PTPRT: variants seen among roughly 807,000 people sequenced by gnomAD.
PTPRT encodes the protein protein tyrosine phosphatase receptor type T.
PTPRT carries 56 observed loss-of-function variants against 176.8 expected under a neutral mutation model. The observed-to-expected ratio is 0.32, with a 90% CI of 0.26 to 0.40. The LOEUF (loss-of-function observed/expected upper bound fraction) is 0.40. Ranked by LOEUF, PTPRT falls within the 10% of genes least tolerant of loss-of-function variation. The pLI, the probability that PTPRT is intolerant of heterozygous loss-of-function variation, is 1.00. For missense variants in PTPRT, 1,540 were observed against 1,908.2 expected (o/e 0.81, Z 3.60); for synonymous variants, 783 against 739.0 (o/e 1.06, Z -0.96).
At chr20:42,936,288 A>G (rs1980186905) in intron 1 of PTPRT, among the ~76,000 whole-genome samples, 1 of 152,218 alleles carries the variant, frequency 6.6e-6, no homozygotes, top group Non-Finnish European at 1.5e-5. Context: ...CAAAATCATG[A>G]AACAGGTCAA....
intron 1 of PTPRT, among the ~76,000 whole-genome samples, chr20:43,105,734 A>G (rs189072695): frequency 1.1e-4 from 17 of 152,284 alleles, no homozygotes; most frequent in Non-Finnish European, 2.1e-4. Flanking sequence ...ATCACATAAA[A>G]TTCTTCATGT....
At chr20:43,058,475 A>G (rs1804571798) in intron 1 of PTPRT, among the ~76,000 whole-genome samples, 1 of 152,140 alleles carries the variant, frequency 6.6e-6, no homozygotes, top group Admixed American at 6.5e-5. Context: ...GCAAGAGAAA[A>G]TCTGCCCCAA....
At chr20:42,705,359 T>A (rs974394205) in intron 6 of PTPRT, among the ~76,000 whole-genome samples, 1 of 151,526 alleles carries the variant, frequency 6.6e-6, no homozygotes, top group African/African-American at 2.4e-5. Flanking sequence ...TCGTTGGTTC[T>A]TATAGGTTTG....
At position 42,114,472 on chromosome 20, in the gene PTPRT, G is replaced by GCAAT. The variant is rs567424773; in HGVS notation, c.3099+723_3099+726dup. On this transcript the variant is annotated intron_variant, in intron 22 of 30. Transcript: ENST00000373187. ...TAACATGTTATAAATATATTTATTT[G>GCAAT]CAATCACATCCTTGCTCACCAAGCT... is the stretch of plus-strand genomic sequence containing the variant. Among the ~76,000 whole-genome samples, 63 of 152,292 alleles carry GCAAT rather than the reference G, an allele frequency of 4.1e-4. 1 individual carries two copies. Among genetic ancestry groups the GCAAT allele is most frequent in the Non-Finnish European group, 7.8e-4 (53 of 68,022 alleles).
chr20:42,197,212 G>T (rs532841488), intron 16 of PTPRT, among the ~76,000 whole-genome samples: 1 of 151,334 alleles, frequency 6.6e-6, no homozygotes. Context: ...ACCCCGTCTC[G>T]ACTAAAAATA....
At chr20:42,917,320 T>C (rs1600554542) in intron 1 of PTPRT, among the ~76,000 whole-genome samples, 1 of 152,288 alleles carries the variant, frequency 6.6e-6, no homozygotes, top group Non-Finnish European at 1.5e-5. Flanking sequence ...CATTGGTCTA[T>C]ATCTCTGTTT....
chr20:43,174,397 T>C (rs1269714690), intron 1 of PTPRT, among the ~76,000 whole-genome samples: 1 of 152,222 alleles, frequency 6.6e-6, no homozygotes, highest in Non-Finnish European at 1.5e-5. Context: ...ATTACAAGTA[T>C]TTAAAGCATG....
At chr20:42,758,824 A>C (rs1239354843) in intron 5 of PTPRT, among the ~76,000 whole-genome samples, 6 of 152,210 alleles carry the variant, frequency 3.9e-5, no homozygotes, top group African/African-American at 1.4e-4. Flanking sequence ...TCTGAGCTGG[A>C]AAGTTTCCAT....
intron 1 of PTPRT, among the ~76,000 whole-genome samples, chr20:42,892,378 C>T (rs1033048213): frequency 2.0e-5 from 3 of 152,138 alleles, no homozygotes; most frequent in African/African-American, 4.8e-5. Context: ...CTTTCCATTG[C>T]TCCAACCCAG....
At chr20:42,418,814 C>T (rs1273671010) in intron 9 of PTPRT, among the ~76,000 whole-genome samples, 4 of 152,108 alleles carry the variant, frequency 2.6e-5, no homozygotes, top group Non-Finnish European at 4.4e-5. Context: ...AGAGGCTGTC[C>T]TGGCTGTAGG....
intron 7 of PTPRT, among the ~76,000 whole-genome samples, chr20:42,519,391 T>C (rs1311012620): frequency 6.6e-6 from 1 of 152,120 alleles, no homozygotes; most frequent in Non-Finnish European, 1.5e-5. Context: ...TGTTTCTAGT[T>C]TTGAGGTTGT....
intron 2 of PTPRT, among the ~76,000 whole-genome samples, chr20:42,818,837 G>A (rs1387275896): frequency 1.3e-5 from 2 of 152,124 alleles, no homozygotes; most frequent in East Asian, 1.9e-4. Context: ...AAGATATGCA[G>A]ACAAGAATAG....
At chr20:42,201,219 G>C (rs1991434386) in intron 15 of PTPRT, among the ~76,000 whole-genome samples, 2 of 152,150 alleles carry the variant, frequency 1.3e-5, no homozygotes, top group Admixed American at 1.3e-4. Context: ...GATCACTTGA[G>C]AGCCCAAGAG....
intron 2 of PTPRT, among the ~76,000 whole-genome samples, chr20:42,814,691 A>G (rs938187280): frequency 2.0e-5 from 3 of 152,232 alleles, no homozygotes; most frequent in African/African-American, 7.2e-5. Context: ...TGGGTGACAC[A>G]AGAATTCTGT....
intron 1 of PTPRT, among the ~76,000 whole-genome samples, chr20:43,024,053 G>A (rs900225567): frequency 6.6e-6 from 1 of 152,132 alleles, no homozygotes; most frequent in Non-Finnish European, 1.5e-5. Context: ...ACGGGGAGCT[G>A]GGGAATGAGC....
intron 1 of PTPRT, among the ~76,000 whole-genome samples, chr20:43,143,287 A>G (rs2014074298): frequency 6.6e-6 from 1 of 152,136 alleles, no homozygotes; most frequent in Non-Finnish European, 1.5e-5. Flanking sequence ...AACTTTCCAG[A>G]GTCTTCAGCA....
chr20:42,133,347 T>C (rs1988218892), intron 18 of PTPRT, among the ~76,000 whole-genome samples: 1 of 152,218 alleles, frequency 6.6e-6, no homozygotes, highest in Non-Finnish European at 1.5e-5. Context: ...CAATGGCCTA[T>C]GGTTCAGTGA....
At chr20:42,981,602 A>G (rs1983276462) in intron 1 of PTPRT, among the ~76,000 whole-genome samples, 1 of 152,224 alleles carries the variant, frequency 6.6e-6, no homozygotes, top group African/African-American at 2.4e-5. Flanking sequence ...ATGGAGGAGA[A>G]CCAAGGTGCT....
intron 1 of PTPRT, among the ~76,000 whole-genome samples, chr20:43,186,187 A>AATGAGAAGCTGGGGT (rs1239614010): frequency 6.6e-6 from 1 of 152,186 alleles, no homozygotes; most frequent in Non-Finnish European, 1.5e-5. Flanking sequence ...TCACTTTACA[A>AATGAGAAGCTGGGGT]ATGAGAAGCT....
Sources: allele counts gnomAD v4.1 joint callset (sites outside exome capture counted in the v4.1 genomes callset), GRCh38; gene constraint gnomAD v4.1.1; transcripts MANE v1.5; gene names NCBI Gene and HGNC (gene_info 2026-07-23, HGNC 2026-07-21).